The following TBCD variants were observed in gnomAD, a reference collection of about 807,000 sequenced individuals.
The protein encoded by TBCD is tubulin-specific chaperone D.
A neutral mutation model predicts 169.3 loss-of-function variants in TBCD; 105 were observed. The ratio of observed to expected loss-of-function variants is 0.62; its 90% CI spans 0.53 to 0.73. TBCD has a LOEUF of 0.73. TBCD is among the 30% of genes least tolerant of loss of function. The pLI is 0.00. For synonymous variants in TBCD, 700 were observed against 643.9 expected (o/e 1.09, Z -1.32); for missense variants, 1,444 against 1,600.1 (o/e 0.90, Z 1.66).
Position 82,752,108 on chromosome 17 carries a change from C to T in TBCD, c.-86C>T, listed in dbSNP as rs950697668. The T allele has an allele frequency of 8.1e-6, 11 of 1,362,066 alleles. No homozygotes were observed. Among genetic ancestry groups the T allele is most frequent in the African/African-American group, 1.5e-5 (1 of 64,986 alleles). The allele number at this position is 1,362,066 out of a possible 1,614,324, so 84.4% of individuals were successfully genotyped here. On this transcript the variant is annotated 5_prime_UTR_variant, in exon 1 of 39. Transcript: ENST00000355528. ...CTTAGCGGGCGCCTCCTTTTCATCC[C>T]TCATCCTTCATCCCTGGCTTTCGCG...
At chr17:82,898,497 T>C (rs2059648601) in intron 17 of TBCD, among the ~76,000 whole-genome samples, 1 of 152,252 alleles carries the variant, frequency 6.6e-6, no homozygotes, top group Admixed American at 6.5e-5. Flanking sequence ...TGAACACCGC[T>C]TCAAGTGGTT....
chr17:82,809,877 C>A, intron 12 of TBCD, 95 bp downstream of exon 12: 1 of 1,191,282 alleles, frequency 8.4e-7, no homozygotes, highest in Non-Finnish European at 1.2e-6. Context: ...TTTCATTGAG[C>A]TGTTTGTCAG....
intron 27 of TBCD, 61 bp from the exon 28 acceptor site, chr17:82,926,339 C>T: frequency 6.5e-7 from 1 of 1,530,330 alleles, no homozygotes; most frequent in South Asian, 1.1e-5. Context: ...ATTGCCACCT[C>T]CCTAAAGAGT....
intron 16 of TBCD, among the ~76,000 whole-genome samples, chr17:82,891,343 T>A (rs952513104): frequency 3.7e-4 from 56 of 152,022 alleles, no homozygotes; most frequent in Admixed American, 3.7e-3. Context: ...GGTGCGGGAG[T>A]CTTGCACCTC....
rs2146724142 is a variant in TBCD at position 82,903,292 on chromosome 17, C to G, written c.1731-113C>G. On this transcript the variant is annotated intron_variant, in intron 18 of 38. Coordinates refer to ENST00000355528, the MANE Select transcript of TBCD (RefSeq NM_005993.5). The surrounding 1 kb of genome is among the most constrained non-coding windows in gnomAD (Gnocchi z 4.8). ...GTGTGAGTGAGTGAGTGAGCCTCTG[C>G]TAAGTGGCCGGTTGAGGACTCGTGT... 2 of 961,194 alleles carry G rather than the reference C, an allele frequency of 2.1e-6. No individual in the cohort carries two copies. Among genetic ancestry groups the G allele is most frequent in the East Asian group, 2.6e-5 (1 of 37,934 alleles). 59.5% of individuals were successfully genotyped at this position (961,194 alleles called of 1,614,324 possible). A position where few individuals can be genotyped will look rare whatever the true frequency, so the allele number is the denominator to read the frequency against.
Position 82,865,083 on chromosome 17 carries a change from T to C in TBCD, c.1319-5141T>C, listed in dbSNP as rs567021854. On this transcript the variant is annotated intron_variant, in intron 13 of 38. Coordinates refer to ENST00000355528, the MANE Select transcript of TBCD (RefSeq NM_005993.5). ...GGGAAGGCTTCTCTACAACGTCCTGTGGGAACTGGAAACCCAGATGTCAGT... is the reference window on the plus strand; with the variant it reads ...GGGAAGGCTTCTCTACAACGTCCTGCGGGAACTGGAAACCCAGATGTCAGT... Among the ~76,000 whole-genome samples, 5 of 152,252 alleles carry C rather than the reference T, an allele frequency of 3.3e-5. No homozygotes were observed. The South Asian group carries it at 1.0e-3, about 32-fold the overall frequency.
intron 13 of TBCD, chr17:82,840,159 C>G (rs1283435535): frequency 1.3e-5 from 2 of 152,256 alleles, no homozygotes; most frequent in African/African-American, 4.8e-5. Flanking sequence ...GGCAGCCTCC[C>G]CAGCACTGGA....
intron 37 of TBCD, among the ~76,000 whole-genome samples, chr17:82,940,217 G>GTGCACACACACACA (rs1555672896): frequency 9.9e-6 from 1 of 101,382 alleles, no homozygotes; most frequent in Non-Finnish European, 2.2e-5. Context: ...TCACTTGCAC[G>GTGCACACACACACA]CGCGCACACA....
At chr17:82,900,927 C>T (rs550351755) in intron 18 of TBCD, among the ~76,000 whole-genome samples, 196 bp downstream of exon 18, 1 of 152,362 alleles carries the variant, frequency 6.6e-6, no homozygotes, top group South Asian at 2.1e-4. Context: ...ACTTCTGGAG[C>T]GCCTGGTCCA....
At position 82,782,699 on chromosome 17, in the gene TBCD, G is replaced by A. The variant is rs2049026274; in HGVS notation, c.771+978G>A. Among the ~76,000 whole-genome samples, 2 of 152,058 alleles carry A rather than the reference G, an allele frequency of 1.3e-5. No homozygotes were observed. The highest frequency in any genetic ancestry group is 2.1e-4 in the South Asian group (1 of 4,820). ...ATGATGAGTGCCACCTCGCCACGGC[G>A]TCCTCCTGTCCGTGGCGTCGTCCTC... On this transcript the variant is annotated intron_variant, in intron 7 of 38. Transcript: ENST00000355528. The surrounding 1 kb of genome is among the most constrained non-coding windows in gnomAD (Gnocchi z 5.1).
chr17:82,932,891 C>T lies in TBCD; in HGVS notation c.3191+156C>T, dbSNP rs2062321410. ...GTGACTGTAAATACCGTCATCACAGCTGGCCCTCAAAATAACGCAATAATA... is the reference window on the plus strand; with the variant it reads ...GTGACTGTAAATACCGTCATCACAGTTGGCCCTCAAAATAACGCAATAATA... On this transcript the variant is annotated intron_variant, in intron 34 of 38. Coordinates refer to ENST00000355528, the MANE Select transcript of TBCD (RefSeq NM_005993.5). 9.0e-6 allele frequency: 6 copies of T among 668,214 alleles called. No individual in the cohort carries two copies. In the South Asian group the frequency reaches 1.1e-4, roughly 12 times the overall value. The allele number at this position is 668,214 out of a possible 1,614,324, so 41.4% of individuals were successfully genotyped here.
intron 21 of TBCD, among the ~76,000 whole-genome samples, chr17:82,908,891 C>T (rs1044053081): frequency 2.5e-4 from 38 of 152,234 alleles, no homozygotes; most frequent in African/African-American, 8.9e-4. Context: ...TTGTAGTGGC[C>T]ATCACAACGT....
At chr17:82,861,523 G>T (rs543727356) in intron 13 of TBCD, among the ~76,000 whole-genome samples, 2 of 152,310 alleles carry the variant, frequency 1.3e-5, no homozygotes, top group East Asian at 3.9e-4. Context: ...AGATCCAGGG[G>T]CGTCAAGAGA....
At chr17:82,783,198 C>T (rs551393591) in intron 7 of TBCD, among the ~76,000 whole-genome samples, 71 of 152,208 alleles carry the variant, frequency 4.7e-4, no homozygotes, top group African/African-American at 1.5e-3. Flanking sequence ...GTCATGCTGC[C>T]GTGGTCTTCA....
intron 15 of TBCD, among the ~76,000 whole-genome samples, chr17:82,887,179 G>GCGCGCGCGCGCGCGCA (rs1723124569): frequency 3.9e-5 from 3 of 76,912 alleles, no homozygotes; most frequent in South Asian, 3.6e-4. Context: ...GCGCGCGCGC[G>GCGCGCGCGCGCGCGCA]CACGTGCGCT....
intron 13 of TBCD, 132 bp downstream of exon 13, chr17:82,815,066 C>A: frequency 7.1e-7 from 1 of 1,416,932 alleles, no homozygotes; most frequent in South Asian, 1.4e-5. Flanking sequence ...CCAGGCTGTC[C>A]GTGGCAGGCT....
intron 13 of TBCD, chr17:82,865,565 C>T: frequency 6.1e-6 from 6 of 984,964 alleles, no homozygotes; most frequent in Non-Finnish European, 7.2e-6. Context: ...CTGTGCACAG[C>T]CCTCACCGCC....
At chr17:82,879,322 C>G (rs1472716543) in intron 14 of TBCD, among the ~76,000 whole-genome samples, 1 of 152,070 alleles carries the variant, frequency 6.6e-6, no homozygotes, top group African/African-American at 2.4e-5. Flanking sequence ...CAGCTCTAGC[C>G]CAGCTTCCTC....
chr17:82,886,763 G>A (rs1291923502), intron 15 of TBCD, among the ~76,000 whole-genome samples: 1 of 144,052 alleles, frequency 6.9e-6, no homozygotes, highest in Admixed American at 7.0e-5. Flanking sequence ...TCGGCCTCCC[G>A]GGTTCAAGCA....
Sources: gnomAD v4.1 joint callset for allele counts (sites outside exome capture counted in the v4.1 genomes callset) on GRCh38, gnomAD v4.1.1 for gene constraint, Gnocchi (gnomAD v3.1) non-coding constraint, MANE v1.5 for transcripts, NCBI Gene and HGNC (gene_info 2026-07-23, HGNC 2026-07-21) for gene names.